Variants in SBF2 observed in about 807,000 individuals in gnomAD.
SBF2 encodes SET binding factor 2.
In SBF2, 112 loss-of-function variants were observed where a neutral mutation model predicts 225.2. The ratio of observed to expected loss-of-function variants is 0.50; its 90% CI spans 0.43 to 0.58. SBF2 has a LOEUF of 0.58. Among genes scored for constraint, SBF2 ranks in the 20% least tolerant of loss-of-function variants. The probability of loss-of-function intolerance (pLI) is 0.00; values close to 1 mark genes in which losing one functional copy is unlikely to be tolerated. For synonymous variants in SBF2, 763 were observed against 773.3 expected (o/e 0.99, Z 0.22); for missense variants, 1,996 against 2,206.2 (o/e 0.90, Z 1.91).
chr11:9,930,629 G>A (rs1347400378), intron 16 of SBF2, among the ~76,000 whole-genome samples: 1 of 152,166 alleles, frequency 6.6e-6, no homozygotes, highest in Non-Finnish European at 1.5e-5. Context: ...GGGGAGATCC[G>A]TTTCAAGATG....
intron 38 of SBF2, among the ~76,000 whole-genome samples, chr11:9,781,901 G>C (rs1052519867): frequency 6.6e-6 from 1 of 152,146 alleles, no homozygotes; most frequent in Non-Finnish European, 1.5e-5. Flanking sequence ...ATAGAATCAA[G>C]GCTGGGCATG....
chr11:9,935,745 A>G (rs746398903), intron 16 of SBF2, among the ~76,000 whole-genome samples: 3 of 152,168 alleles, frequency 2.0e-5, no homozygotes, highest in African/African-American at 4.8e-5. Context: ...GGGAAAACTG[A>G]CTAGCCATAT....
chr11:9,834,312 G>A (rs1222945694), intron 26 of SBF2, among the ~76,000 whole-genome samples: 1 of 151,746 alleles, frequency 6.6e-6, no homozygotes, highest in East Asian at 1.9e-4. Flanking sequence ...GGCTGGTCTC[G>A]GACTCCTGAC....
chr11:10,076,661 G>A (rs139845039), intron 2 of SBF2, among the ~76,000 whole-genome samples: 6 of 152,224 alleles, frequency 3.9e-5, no homozygotes, highest in Admixed American at 3.9e-4. Context: ...CCATGGGAGG[G>A]AGCCCTGCCA....
chr11:9,844,796 G>A (rs1856420985), intron 24 of SBF2, among the ~76,000 whole-genome samples: 1 of 152,226 alleles, frequency 6.6e-6, no homozygotes, highest in East Asian at 1.9e-4. Flanking sequence ...TGCATGCAGG[G>A]TTTAAAACCT....
chr11:10,089,031 G>A (rs1951681580), intron 2 of SBF2, among the ~76,000 whole-genome samples: 3 of 152,092 alleles, frequency 2.0e-5, no homozygotes, highest in African/African-American at 4.8e-5. Flanking sequence ...CCTGGGTCCT[G>A]CCCTCCTCCA....
intron 17 of SBF2, among the ~76,000 whole-genome samples, chr11:9,888,733 C>A (rs1304844608): frequency 6.6e-6 from 1 of 152,008 alleles, no homozygotes; most frequent in Non-Finnish European, 1.5e-5. Context: ...TAGAGGTATG[C>A]TTCATAAATT....
At chr11:10,075,581 T>C (rs904508827) in intron 2 of SBF2, among the ~76,000 whole-genome samples, 5 of 152,176 alleles carry the variant, frequency 3.3e-5, no homozygotes, top group Non-Finnish European at 5.9e-5. Flanking sequence ...TGAAATCTGG[T>C]AGTTTAAAAG....
rs551143202 is a variant in SBF2, at chr11:10,061,992, A to G, written c.142-19011T>C. ...AATAGCATGGTACTGGTACAAGCAC[A>G]GACACACAGACCAATGGAAGAGACC... On this transcript the variant is annotated intron_variant, in intron 2 of 39. Coordinates refer to ENST00000256190, the MANE Select transcript of SBF2 (RefSeq NM_030962.4). Among the ~76,000 whole-genome samples, 580 of 152,242 alleles carry G rather than the reference A, an allele frequency of 3.8e-3. 4 individuals are homozygous for G. Among genetic ancestry groups the G allele is most frequent in the South Asian group, 5.4e-3 (26 of 4,826 alleles).
chr11:10,141,422 T>C (rs931877590), intron 2 of SBF2, among the ~76,000 whole-genome samples: 1 of 152,076 alleles, frequency 6.6e-6, no homozygotes. Flanking sequence ...AGAGGCCATC[T>C]CCCCCTCTCT....
At chr11:10,298,157 G>A (rs905967356), upstream of SBF2, among the ~76,000 whole-genome samples, 11 of 152,282 alleles carry the variant, frequency 7.2e-5, no homozygotes, top group South Asian at 2.1e-4. Context: ...TTGGGAGGCC[G>A]AGGCAGGTGG....
intron 1 of SBF2, among the ~76,000 whole-genome samples, chr11:10,299,693 A>T (rs1964577517): frequency 6.7e-6 from 1 of 150,164 alleles, no homozygotes; most frequent in South Asian, 2.1e-4. Flanking sequence ...GAACTTTAGG[A>T]TGGAATGAGT....
intron 13 of SBF2, among the ~76,000 whole-genome samples, chr11:9,980,262 G>A (rs776772610): frequency 9.2e-5 from 13 of 141,188 alleles, no homozygotes; most frequent in Non-Finnish European, 1.8e-4. Context: ...TTACAGGCAT[G>A]AGCCACCATA....
rs1027006280 is a variant in SBF2 at position 9,993,046 on chromosome 11, T to G, written c.1111A>C (p.Arg371=). Residue 371 remains arginine (R), a synonymous_variant, in exon 11 of 40, where the codon AGA becomes CGA. Coordinates refer to ENST00000256190, the MANE Select transcript of SBF2 (RefSeq NM_030962.4). The part of the protein sequence containing the change: ...RLFAQLFQGY[R]SCLQLIRIHA... ...ATTCTTATAAGTTGCAGGCAGGATC[T>G]ATATCCTTGGAAGAGTTGTGCAAAT... The G allele has an allele frequency of 1.2e-6, 2 of 1,612,922 alleles. No individual in the cohort carries two copies. Among genetic ancestry groups the G allele is most frequent in the Non-Finnish European group, 1.7e-6 (2 of 1,179,776 alleles).
At chr11:9,792,932 TGTGTGTG>T (rs374586307) in intron 33 of SBF2, among the ~76,000 whole-genome samples, 1 of 133,588 alleles carries the variant, frequency 7.5e-6, no homozygotes, top group African/African-American at 2.9e-5. Flanking sequence ...TGTGTGTGTG[TGTGTGTG>T]TTTTTTTTTT....
At chr11:10,239,492 G>T (rs1959179089) in intron 1 of SBF2, among the ~76,000 whole-genome samples, 1 of 150,596 alleles carries the variant, frequency 6.6e-6, no homozygotes, top group Non-Finnish European at 1.5e-5. Context: ...ATATTTTGGT[G>T]CCTAATACTC....
At chr11:10,180,959 A>T (rs1364913348) in intron 2 of SBF2, among the ~76,000 whole-genome samples, 1 of 152,118 alleles carries the variant, frequency 6.6e-6, no homozygotes, top group Non-Finnish European at 1.5e-5. Flanking sequence ...TTTCACAGAT[A>T]TTAGAGGTTT....
chr11:9,944,742 T>G lies in SBF2; in HGVS notation c.1860+17215A>C, dbSNP rs555741944. The stretch of plus-strand genomic sequence containing the variant: ...TAAAATGGCCATACTGCCCAGCAAT[T>G]TACAGGTTCAATGCTATTCCTATCA... On this transcript the variant is annotated intron_variant, in intron 16 of 39. Transcript: ENST00000256190. 1.1e-3 allele frequency among the ~76,000 whole-genome samples: 168 copies of G among 152,250 alleles called. 1 individual carries two copies. Among genetic ancestry groups the G allele is most frequent in the Non-Finnish European group, 1.7e-3 (117 of 68,016 alleles).
At chr11:10,213,969 C>T (rs1958033144) in intron 1 of SBF2, among the ~76,000 whole-genome samples, 1 of 152,200 alleles carries the variant, frequency 6.6e-6, no homozygotes, top group African/African-American at 2.4e-5. Flanking sequence ...TAGACTATGA[C>T]AGTCCTAGAG....
Sources: gnomAD v4.1 joint callset for allele counts (sites outside exome capture counted in the v4.1 genomes callset) on GRCh38, gnomAD v4.1.1 for gene constraint, MANE v1.5 for transcripts, NCBI Gene and HGNC (gene_info 2026-07-23, HGNC 2026-07-21) for gene names.